ABTB2: variants seen among roughly 807,000 people sequenced by gnomAD.
The protein encoded by ABTB2 is ankyrin repeat and BTB domain containing 2, also known as ankyrin repeat and BTB/POZ domain-containing protein 2.
A neutral mutation model predicts 104.1 loss-of-function variants in ABTB2; 56 were observed. That is an observed-to-expected ratio of 0.54 (90% CI 0.43 to 0.67). The LOEUF (loss-of-function observed/expected upper bound fraction) is 0.67, where lower values mean the gene tolerates loss of function less well. Among genes scored for constraint, ABTB2 ranks in the 30% least tolerant of loss-of-function variants. ABTB2 has a pLI of 0.00. For synonymous variants in ABTB2, 606 were observed against 608.2 expected, an observed-to-expected ratio of 1.00 and a Z score of 0.05; for missense variants, 1,279 against 1,407.7, an observed-to-expected ratio of 0.91 and a Z score of 1.46.
At chr11:34,229,857 T>C (rs1232497214) in intron 1 of ABTB2, among the ~76,000 whole-genome samples, 2 of 152,236 alleles carry the variant, frequency 1.3e-5, no homozygotes, top group Non-Finnish European at 2.9e-5. Flanking sequence ...ATTTCACTTA[T>C]TACACCAAAC....
intron 11 of ABTB2, 81 bp from the exon 12 acceptor site, chr11:34,160,434 A>C: frequency 1.9e-6 from 2 of 1,035,514 alleles, no homozygotes. Flanking sequence ...GGCTAATTTC[A>C]AAAGTCCAGG....
At chr11:34,226,664 A>G (rs1853691671) in intron 1 of ABTB2, among the ~76,000 whole-genome samples, 1 of 152,224 alleles carries the variant, frequency 6.6e-6, no homozygotes, top group Non-Finnish European at 1.5e-5. Context: ...TTCACATGCT[A>G]TAAAATTTAC....
chr11:34,256,514 C>T (rs1854124663), intron 1 of ABTB2, among the ~76,000 whole-genome samples: 1 of 152,150 alleles, frequency 6.6e-6, no homozygotes. Context: ...CATATGGTGG[C>T]TGTGTAAAAA....
At chr11:34,260,812 C>T (rs1323822299) in intron 1 of ABTB2, among the ~76,000 whole-genome samples, 7 of 152,140 alleles carry the variant, frequency 4.6e-5, no homozygotes, top group South Asian at 2.1e-4. Flanking sequence ...ATTTCCATTC[C>T]AGGCTTTCTT....
intron 7 of ABTB2, 46 bp downstream of exon 7, chr11:34,167,213 C>T (rs1351020814): frequency 1.3e-6 from 2 of 1,529,306 alleles, no homozygotes; most frequent in South Asian, 1.2e-5. Flanking sequence ...GGGCCCAGGT[C>T]ACCTGGTAAG....
chr11:34,193,840 C>T (rs2133034054), intron 3 of ABTB2, among the ~76,000 whole-genome samples: 1 of 152,334 alleles, frequency 6.6e-6, no homozygotes. Context: ...AGGTTAGAGG[C>T]TTCTCATTCC....
intron 3 of ABTB2, among the ~76,000 whole-genome samples, chr11:34,174,348 A>G (rs1852934000): frequency 6.7e-6 from 1 of 150,216 alleles, no homozygotes; most frequent in Admixed American, 6.6e-5. Flanking sequence ...AAAAAAAAAA[A>G]AAGAAAGAAA....
intron 1 of ABTB2, among the ~76,000 whole-genome samples, chr11:34,218,975 TA>T (rs1461006098): frequency 6.6e-6 from 1 of 152,014 alleles, no homozygotes; most frequent in Non-Finnish European, 1.5e-5. Context: ...TCTATTTGTC[TA>T]GGGAAATTTA....
At chr11:34,337,796 T>C (rs925566645) in intron 1 of ABTB2, among the ~76,000 whole-genome samples, 5 of 152,006 alleles carry the variant, frequency 3.3e-5, no homozygotes, top group African/African-American at 1.2e-4. Context: ...CACCGACTCA[T>C]CACATTTGGT....
intron 1 of ABTB2, among the ~76,000 whole-genome samples, chr11:34,266,110 T>A (rs541678506): frequency 2.8e-4 from 42 of 152,238 alleles, no homozygotes; most frequent in African/African-American, 9.4e-4. Flanking sequence ...AGAGACAGGG[T>A]CTCACTCTGT....
intron 1 of ABTB2, among the ~76,000 whole-genome samples, chr11:34,229,418 T>C (rs1465228115): frequency 1.3e-5 from 2 of 150,706 alleles, no homozygotes; most frequent in Non-Finnish European, 3.0e-5. Flanking sequence ...GAGGTGGAGC[T>C]TGCAGTGAGC....
intron 1 of ABTB2, among the ~76,000 whole-genome samples, chr11:34,331,716 A>G (rs1425324204): frequency 1.3e-5 from 2 of 152,248 alleles, no homozygotes; most frequent in African/African-American, 4.8e-5. Flanking sequence ...TCACTCACCC[A>G]GAAGAAGTGA....
intron 1 of ABTB2, among the ~76,000 whole-genome samples, chr11:34,311,585 A>G (rs1333433861): frequency 6.6e-6 from 1 of 152,234 alleles, no homozygotes; most frequent in Non-Finnish European, 1.5e-5. Flanking sequence ...AGGGAGAGAG[A>G]GAACACATAA....
chr11:34,300,729 G>A (rs1160733305), intron 1 of ABTB2, among the ~76,000 whole-genome samples: 1 of 152,114 alleles, frequency 6.6e-6, no homozygotes, highest in African/African-American at 2.4e-5. Context: ...GGTGGGGGAG[G>A]TGCTCGAAGT....
At chr11:34,266,483 C>A (rs1854252028) in intron 1 of ABTB2, among the ~76,000 whole-genome samples, 1 of 152,184 alleles carries the variant, frequency 6.6e-6, no homozygotes, top group Non-Finnish European at 1.5e-5. Flanking sequence ...CCTGCCAGCC[C>A]TGACACTATG....
At position 34,162,676 on chromosome 11, in the gene ABTB2, G is replaced by C; in HGVS notation, c.2118C>G (p.Pro706=). Residue 706 remains proline, a synonymous_variant, in exon 10 of 17, where the codon CCC becomes CCG. Transcript: ENST00000435224. ...TGGTGCGGGTCCGGCTCAGCCGCAC[G>C]GGCCCCTCGCTGCCACTGCCCTGGC... The part of the protein sequence containing the change: ...ASSQGSGSEG[P]VRLSRTRTKA... 6.2e-7 allele frequency: 1 copy of C among 1,613,132 alleles called. No homozygotes were observed. Among genetic ancestry groups the C allele is most frequent in the Non-Finnish European group, 8.5e-7 (1 of 1,180,008 alleles).
chr11:34,156,790 C>T (rs574550986), intron 14 of ABTB2, among the ~76,000 whole-genome samples: 1 of 152,312 alleles, frequency 6.6e-6, no homozygotes, highest in South Asian at 2.1e-4. Context: ...TCCAAAAGTG[C>T]TGGGATTACA....
chr11:34,301,902 G>A (rs77525958), intron 1 of ABTB2, among the ~76,000 whole-genome samples: 17 of 152,324 alleles, frequency 1.1e-4, no homozygotes, highest in Middle Eastern at 3.4e-3. Flanking sequence ...CAAAAGGATC[G>A]CTTGTGCCCA....
At position 34,357,561 on chromosome 11, in the gene ABTB2, G is replaced by T; in HGVS notation, c.23C>A (p.Thr8Asn). 6.6e-7 allele frequency: 1 copy of T among 1,525,946 alleles called. No homozygotes were observed. Among genetic ancestry groups the T allele is most frequent in the Non-Finnish European group, 8.8e-7 (1 of 1,138,630 alleles). The allele number at this position is 1,525,946 out of a possible 1,614,324, so 94.5% of individuals were successfully genotyped here. A position where few individuals can be genotyped will look rare whatever the true frequency, so the allele number is the denominator to read the frequency against. ...GGTCAAGTCCTCCAGCGTCTTCAGA[G>T]TCGAGCTGTACGTCCCGGCCATGGG... MAGTYSSTLKTLEDLTLD... is the reference protein window; with the variant it reads MAGTYSSNLKTLEDLTLD... Residue 8 changes from threonine to asparagine, a missense_variant, in exon 1 of 17, where the codon ACT becomes AAT. Thr to Asn is a moderately conservative substitution (Grantham distance 65). Transcript: ENST00000435224.
Sources: allele counts gnomAD v4.1 joint callset (sites outside exome capture counted in the v4.1 genomes callset), GRCh38; gene constraint gnomAD v4.1.1; transcripts MANE v1.5; gene names NCBI Gene and HGNC (gene_info 2026-07-23, HGNC 2026-07-21).